Variants in MRPL48 observed in about 807,000 individuals in gnomAD.
The protein encoded by MRPL48 is mitochondrial ribosomal protein L48, also known as large ribosomal subunit protein mL48.
In MRPL48, 16 loss-of-function variants were observed where a neutral mutation model predicts 32.9. The ratio of observed to expected loss-of-function variants is 0.49; its 90% CI spans 0.33 to 0.74. The LOEUF is 0.74. Ranked by LOEUF, MRPL48 falls within the 30% of genes least tolerant of loss-of-function variation. The pLI is 0.02. For synonymous variants in MRPL48, 94 were observed against 89.2 expected (o/e 1.05, Z -0.31); for missense variants, 206 against 245.3 (o/e 0.84, Z 1.07).
chr11:73,809,450 G>A (rs1390424397), intron 3 of MRPL48, among the ~76,000 whole-genome samples: 1 of 149,618 alleles, frequency 6.7e-6, no homozygotes. Context: ...GTTACAGTAA[G>A]CCGAGATCAT....
At chr11:73,853,697 T>C (rs879700226) in intron 5 of MRPL48, among the ~76,000 whole-genome samples, 37 of 129,852 alleles carry the variant, frequency 2.8e-4, no homozygotes, top group South Asian at 1.3e-3. Context: ...TTTTTTTTTT[T>C]TTTTTTTTTT....
chr11:73,835,945 T>A (rs550146232), intron 4 of MRPL48, among the ~76,000 whole-genome samples: 3 of 152,162 alleles, frequency 2.0e-5, no homozygotes, highest in East Asian at 1.9e-4. Flanking sequence ...ATTTTTAATT[T>A]ATTTTTTTGA....
chr11:73,802,539 T>C (rs1458500327), intron 1 of MRPL48, among the ~76,000 whole-genome samples: 1 of 152,214 alleles, frequency 6.6e-6, no homozygotes, highest in Non-Finnish European at 1.5e-5. Context: ...ATTTCACTAT[T>C]CTGGATATTT....
In MRPL48 at chr11:73,808,366, C is replaced by G. The variant is rs371247557; in HGVS notation, c.112+16C>G. ...TATTCTGTAGGTAAGCAGTTTTTAC[C>G]TGATGTAGTTGGCCTGCTTTAAGTG... On this transcript the variant is annotated intron_variant, in intron 3 of 7. Transcript: ENST00000310614. The G allele has an allele frequency of 5.6e-6, 9 of 1,602,994 alleles. No individual in the cohort carries two copies. The highest frequency in any genetic ancestry group is 7.7e-6 in the Non-Finnish European group (9 of 1,173,330).
chr11:73,810,322 G>A (rs1436868892), intron 3 of MRPL48, among the ~76,000 whole-genome samples: 1 of 152,114 alleles, frequency 6.6e-6, no homozygotes, highest in Non-Finnish European at 1.5e-5. Flanking sequence ...AGGAGTTCAA[G>A]ACCAGCCTGA....
intron 1 of MRPL48, among the ~76,000 whole-genome samples, chr11:73,794,646 T>C (rs372463549): frequency 1.8e-4 from 27 of 152,236 alleles, no homozygotes; most frequent in African/African-American, 6.5e-4. Context: ...GTTAAGTTGT[T>C]CAAGAGAATC....
At chr11:73,850,983 T>C in intron 5 of MRPL48, 2 of 395,330 alleles carry the variant, frequency 5.1e-6, no homozygotes. Flanking sequence ...GCCTGGGCTA[T>C]ACAATTTTTT....
intron 1 of MRPL48, among the ~76,000 whole-genome samples, chr11:73,798,747 T>A (rs1171500341): frequency 6.6e-6 from 1 of 152,030 alleles, no homozygotes; most frequent in Non-Finnish European, 1.5e-5. Context: ...ATCCCAGCAC[T>A]TTGGGAGGCT....
chr11:73,830,839 CTCTTTCTT>C (rs532178771), intron 4 of MRPL48, among the ~76,000 whole-genome samples: 13 of 151,684 alleles, frequency 8.6e-5, no homozygotes, highest in Admixed American at 1.3e-4. Context: ...CTGTTTTTAT[CTCTTTCTT>C]TCTTTCTTTC....
At chr11:73,806,913 A>G (rs578071638) in intron 2 of MRPL48, among the ~76,000 whole-genome samples, 1 of 151,984 alleles carries the variant, frequency 6.6e-6, no homozygotes, top group South Asian at 2.1e-4. Context: ...TCTTTCACCC[A>G]GGCTGGAGTG....
chr11:73,788,042 A>C (rs570607961), intron 1 of MRPL48, 50 bp downstream of exon 1: 305 of 1,460,584 alleles, frequency 2.1e-4, no homozygotes, highest in Non-Finnish European at 2.8e-4. Context: ...CGGACGGTGC[A>C]GAGAGGGGAG....
At chr11:73,825,284 ATGTGTGTGTGTGTGTG>A (rs66515925) in intron 3 of MRPL48, among the ~76,000 whole-genome samples, 24 of 139,824 alleles carry the variant, frequency 1.7e-4, no homozygotes, top group Admixed American at 4.4e-4. Context: ...TTTTTTATAT[ATGTGTGTGTGTGTGTG>A]TGTGTGTGTG....
intron 2 of MRPL48, among the ~76,000 whole-genome samples, chr11:73,805,293 C>CTT (rs11335180): frequency 5.8e-5 from 8 of 136,892 alleles, no homozygotes; most frequent in Admixed American, 7.4e-5. Context: ...TGATGCTGTT[C>CTT]TTTTTTTTTT....
At chr11:73,831,940 C>CAAA (rs4019304) in intron 4 of MRPL48, among the ~76,000 whole-genome samples, 1,443 of 66,476 alleles carry the variant, frequency 0.022, 74 homozygotes, top group African/African-American at 0.064. Context: ...AACTCTGTCT[C>CAAA]AAAAAAAAAA....
At chr11:73,801,499 G>T (rs943060280) in intron 1 of MRPL48, among the ~76,000 whole-genome samples, 1 of 152,130 alleles carries the variant, frequency 6.6e-6, no homozygotes, top group East Asian at 1.9e-4. Context: ...ATTCAATTGT[G>T]CTTCTGGGAT....
rs1373341210 is a variant in MRPL48 at position 73,864,679 on chromosome 11, A to G, written c.*309A>G. 5.8e-6 allele frequency: 2 copies of G among 342,444 alleles called. No homozygotes were observed. Among genetic ancestry groups the G allele is most frequent in the African/African-American group, 4.1e-5 (2 of 49,300 alleles). 21.2% of individuals were successfully genotyped at this position (342,444 alleles called of 1,614,324 possible). A position where few individuals can be genotyped will look rare whatever the true frequency, so the allele number is the denominator to read the frequency against. ...CTTTAAGAGATTCTATATTCTGGCCAGGCACCGTGGTGCATCCCTGTAATC... is the reference window on the plus strand; with the variant it reads ...CTTTAAGAGATTCTATATTCTGGCCGGGCACCGTGGTGCATCCCTGTAATC... On this transcript the variant is annotated 3_prime_UTR_variant, in exon 8 of 8. Transcript: ENST00000310614.
intron 5 of MRPL48, among the ~76,000 whole-genome samples, chr11:73,846,525 T>A (rs181016643): frequency 1.3e-5 from 2 of 152,092 alleles, no homozygotes; most frequent in Admixed American, 6.5e-5. Flanking sequence ...CTGGCTAATT[T>A]TTGTATTTTT....
chr11:73,851,190 G>A (rs1333690911), intron 5 of MRPL48: 15 of 433,466 alleles, frequency 3.5e-5, no homozygotes, highest in East Asian at 2.8e-4. Context: ...AGTTCACACC[G>A]CCACTGGGTG....
chr11:73,815,346 G>A (rs1218715466), intron 3 of MRPL48, among the ~76,000 whole-genome samples: 1 of 152,130 alleles, frequency 6.6e-6, no homozygotes, highest in Non-Finnish European at 1.5e-5. Flanking sequence ...CCTGGGAGGC[G>A]GAGGTTGCGG....
Sources: allele counts gnomAD v4.1 joint callset (sites outside exome capture counted in the v4.1 genomes callset), GRCh38; gene constraint gnomAD v4.1.1; transcripts MANE v1.5; gene names NCBI Gene and HGNC (gene_info 2026-07-23, HGNC 2026-07-21).